Variants in NRXN3 observed in about 807,000 individuals in gnomAD.
NRXN3 encodes neurexin 3.
NRXN3 carries 32 observed loss-of-function variants against 137.6 expected under a neutral mutation model. That is an observed-to-expected ratio of 0.23 (90% CI 0.18 to 0.31). The LOEUF (loss-of-function observed/expected upper bound fraction) is 0.31, where lower values mean the gene tolerates loss of function less well. Ranked by LOEUF, NRXN3 falls within the 10% of genes least tolerant of loss-of-function variation. NRXN3 has a pLI of 1.00. For missense variants in NRXN3, 1,574 were observed against 2,062.5 expected, an observed-to-expected ratio of 0.76 and a Z score of 4.59; for synonymous variants, 798 against 784.5, an observed-to-expected ratio of 1.02 and a Z score of -0.29.
At chr14:78,925,321 T>C (rs2152836834) in intron 10 of NRXN3, among the ~76,000 whole-genome samples, 1 of 152,306 alleles carries the variant, frequency 6.6e-6, no homozygotes, top group Middle Eastern at 3.4e-3. Flanking sequence ...CAGTGGGCCA[T>C]GGAGAACATT....
intron 6 of NRXN3, among the ~76,000 whole-genome samples, chr14:78,658,922 C>T (rs939760210): frequency 5.9e-5 from 9 of 152,116 alleles, no homozygotes; most frequent in Admixed American, 3.9e-4. Context: ...AATGGAGGAA[C>T]GTGGCAGAAG....
At chr14:79,116,575 A>G (rs909263458) in intron 15 of NRXN3, among the ~76,000 whole-genome samples, 2 of 152,184 alleles carry the variant, frequency 1.3e-5, no homozygotes, top group African/African-American at 2.4e-5. Flanking sequence ...TCTTCATTTT[A>G]AAAACAAGGA....
At position 78,702,714 on chromosome 14, in the gene NRXN3, G is replaced by C. The variant is rs370462008; in HGVS notation, c.1222-6503G>C. The stretch of plus-strand genomic sequence containing the variant: ...CTGACTTGGCCTCCCAAAGTTCTGG[G>C]ATTACAGGCGAAAGCCCCTTTGCCC... On this transcript the variant is annotated intron_variant, in intron 6 of 20. Transcript: ENST00000335750. Among the ~76,000 whole-genome samples, 7 of 151,956 alleles carry C rather than the reference G, an allele frequency of 4.6e-5. 1 individual carries two copies. In the East Asian group the frequency reaches 9.6e-4, roughly 21 times the overall value.
At chr14:79,083,365 G>A (rs1292935497) in intron 15 of NRXN3, among the ~76,000 whole-genome samples, 1 of 152,186 alleles carries the variant, frequency 6.6e-6, no homozygotes, top group African/African-American at 2.4e-5. Flanking sequence ...AATGGGTCTT[G>A]TACATTCTCA....
chr14:79,812,191 G>A (rs1212885848), intron 20 of NRXN3, among the ~76,000 whole-genome samples: 2 of 152,056 alleles, frequency 1.3e-5, no homozygotes, highest in African/African-American at 4.8e-5. Flanking sequence ...TGGAGAGCGA[G>A]GCAGGGGAAT....
intron 4 of NRXN3, among the ~76,000 whole-genome samples, chr14:78,642,298 G>A (rs951816713): frequency 6.6e-6 from 1 of 152,054 alleles, no homozygotes; most frequent in Non-Finnish European, 1.5e-5. Flanking sequence ...AATAAAATAA[G>A]GGCATTAAAT....
intron 15 of NRXN3, among the ~76,000 whole-genome samples, chr14:79,098,731 G>A (rs1023267733): frequency 1.3e-5 from 2 of 152,152 alleles, no homozygotes; most frequent in Non-Finnish European, 1.5e-5. Flanking sequence ...GAAACTCATC[G>A]GAGTGCTTTC....
At chr14:79,311,685 G>A (rs534154481) in intron 15 of NRXN3, among the ~76,000 whole-genome samples, 1 of 112,202 alleles carries the variant, frequency 8.9e-6, no homozygotes, top group South Asian at 3.8e-4. Context: ...GTCGAGGAAT[G>A]TATCCATTTC....
At chr14:78,765,442 C>T (rs993945304) in intron 8 of NRXN3, among the ~76,000 whole-genome samples, 5 of 152,136 alleles carry the variant, frequency 3.3e-5, no homozygotes, top group South Asian at 2.1e-4. Context: ...CATGAGCCAC[C>T]GAGCCCAGCT....
At chr14:78,700,960 C>T (rs572368432) in intron 6 of NRXN3, among the ~76,000 whole-genome samples, 55 of 152,098 alleles carry the variant, frequency 3.6e-4, no homozygotes, top group Admixed American at 3.3e-3. Flanking sequence ...TTAGTAGGGA[C>T]GGGGTTTCAC....
At chr14:79,782,032 C>T (rs940711951) in intron 19 of NRXN3, among the ~76,000 whole-genome samples, 2 of 152,180 alleles carry the variant, frequency 1.3e-5, no homozygotes, top group African/African-American at 4.8e-5. Flanking sequence ...TCATTCATAA[C>T]CACTAGTAGC....
At position 78,588,962 on chromosome 14, in the gene NRXN3, A is replaced by T. The variant is rs531660603; in HGVS notation, c.758-56158A>T. Among the ~76,000 whole-genome samples, 9 of 152,316 alleles carry T rather than the reference A, an allele frequency of 5.9e-5. No homozygotes were observed. In the South Asian group the frequency reaches 1.9e-3, roughly 32 times the overall value. On this transcript the variant is annotated intron_variant, in intron 4 of 20. Transcript: ENST00000335750. ...AAAACACTCAACGACAACTTCACAAACAACCCTTATTATGGCTGTGGAAGA... is the reference window on the plus strand; with the variant it reads ...AAAACACTCAACGACAACTTCACAATCAACCCTTATTATGGCTGTGGAAGA...
intron 4 of NRXN3, among the ~76,000 whole-genome samples, chr14:78,559,969 T>G (rs1291829740): frequency 2.6e-5 from 4 of 152,244 alleles, no homozygotes; most frequent in Non-Finnish European, 5.9e-5. Flanking sequence ...GCATCTTTCT[T>G]CCTTACCTGT....
intron 4 of NRXN3, among the ~76,000 whole-genome samples, chr14:78,406,475 T>G (rs1285381455): frequency 6.6e-6 from 1 of 152,166 alleles, no homozygotes; most frequent in South Asian, 2.1e-4. Context: ...TACCCTCTAC[T>G]AAACAGCATA....
At chr14:79,561,700 C>T (rs1279156625) in intron 16 of NRXN3, among the ~76,000 whole-genome samples, 4 of 151,944 alleles carry the variant, frequency 2.6e-5, no homozygotes, top group Non-Finnish European at 4.4e-5. Flanking sequence ...ATGCTTTCAT[C>T]AAAAGGTAGC....
At chr14:78,746,423 T>C (rs1463081791) in intron 8 of NRXN3, among the ~76,000 whole-genome samples, 1 of 152,128 alleles carries the variant, frequency 6.6e-6, no homozygotes, top group Non-Finnish European at 1.5e-5. Flanking sequence ...TGTTGACCTT[T>C]AGTGGGATAA....
chr14:78,183,284 TTCA>T (rs1343036788), intron 1 of NRXN3, among the ~76,000 whole-genome samples: 1 of 152,186 alleles, frequency 6.6e-6, no homozygotes, highest in East Asian at 1.9e-4. Context: ...CCTCTTCCCT[TTCA>T]TCCCTAGTTG....
intron 1 of NRXN3, among the ~76,000 whole-genome samples, chr14:78,178,331 C>T (rs1349274328): frequency 6.6e-6 from 1 of 152,198 alleles, no homozygotes; most frequent in South Asian, 2.1e-4. Flanking sequence ...CAGTTAGAGG[C>T]ATTTCAGGCT....
chr14:79,248,516 G>A (rs2075512690), intron 15 of NRXN3: 1 of 152,084 alleles, frequency 6.6e-6, no homozygotes, highest in African/African-American at 2.4e-5. Context: ...ATCCCCTGTA[G>A]TCCTTCTAGT....
Sources: allele counts gnomAD v4.1 joint callset (sites outside exome capture counted in the v4.1 genomes callset), GRCh38; gene constraint gnomAD v4.1.1; transcripts MANE v1.5; gene names NCBI Gene and HGNC (gene_info 2026-07-23, HGNC 2026-07-21).